Variants in CADPS2 observed in about 807,000 individuals in gnomAD.
The protein encoded by CADPS2 is calcium dependent secretion activator 2, also known as calcium-dependent secretion activator 2.
A neutral mutation model predicts 172.5 loss-of-function variants in CADPS2; 93 were observed. That is an observed-to-expected ratio of 0.54 (90% confidence interval 0.46 to 0.64). The LOEUF is 0.64. Ranked by LOEUF, CADPS2 falls within the 30% of genes least tolerant of loss-of-function variation. The pLI, the probability that CADPS2 is intolerant of heterozygous loss-of-function variation, is 0.00. For missense variants in CADPS2, 1,420 were observed against 1,565.9 expected, an observed-to-expected ratio of 0.91 and a Z score of 1.57; for synonymous variants, 546 against 555.2, an observed-to-expected ratio of 0.98 and a Z score of 0.23.
At chr7:122,407,358 T>A (rs1168003083) in intron 20 of CADPS2, among the ~76,000 whole-genome samples, 182 bp downstream of exon 20, 1 of 152,186 alleles carries the variant, frequency 6.6e-6, no homozygotes, top group East Asian at 1.9e-4. Context: ...CACTGGAGTG[T>A]GGGAGTCTCC....
intron 19 of CADPS2, chr7:122,413,008 G>A (rs1374912185): frequency 6.6e-6 from 1 of 152,244 alleles, no homozygotes; most frequent in African/African-American, 2.4e-5. Flanking sequence ...ACAGCAATGT[G>A]GTTTATTGGA....
At chr7:122,731,012 G>A (rs913534609) in intron 2 of CADPS2, among the ~76,000 whole-genome samples, 3 of 148,658 alleles carry the variant, frequency 2.0e-5, no homozygotes, top group Non-Finnish European at 4.5e-5. Flanking sequence ...ATTCATTGAA[G>A]GAATGAAGGA....
chr7:122,703,625 T>C (rs2086516641), intron 2 of CADPS2, among the ~76,000 whole-genome samples: 1 of 152,136 alleles, frequency 6.6e-6, no homozygotes. Context: ...CTAAGGATTT[T>C]GGATGATGTC....
chr7:122,639,752 C>A (rs1169172602), intron 3 of CADPS2, among the ~76,000 whole-genome samples: 2 of 152,166 alleles, frequency 1.3e-5, no homozygotes, highest in African/African-American at 4.8e-5. Context: ...ATATGATTTT[C>A]TTTTAATTGT....
At chr7:122,588,706 G>A (rs931341042) in intron 6 of CADPS2, among the ~76,000 whole-genome samples, 9 of 151,820 alleles carry the variant, frequency 5.9e-5, no homozygotes, top group Admixed American at 5.3e-4. Flanking sequence ...ACTTTAACTA[G>A]GTCTAAGGTC....
At chr7:122,793,022 A>G (rs1795615641) in intron 1 of CADPS2, among the ~76,000 whole-genome samples, 1 of 152,204 alleles carries the variant, frequency 6.6e-6, no homozygotes, top group African/African-American at 2.4e-5. Flanking sequence ...CCTTTCAGCC[A>G]TATCATTACA....
rs143418147 is a variant in CADPS2 at position 122,665,166 on chromosome 7, C to T, written c.454-1597G>A. On this transcript the variant is annotated intron_variant, in intron 2 of 29. Transcript: ENST00000449022. ...TCCCAAGTTATGATCATACTACTTG[C>T]ACCACACTTCCACGCCTGTCTGCAT... is the stretch of plus-strand genomic sequence containing the variant. Among the ~76,000 whole-genome samples, 3 of 152,242 alleles carry T rather than the reference C, an allele frequency of 2.0e-5. No homozygotes were observed. The East Asian group carries it at 5.8e-4, about 29-fold the overall frequency.
At chr7:122,781,046 C>T (rs1424688943) in intron 1 of CADPS2, among the ~76,000 whole-genome samples, 2 of 152,134 alleles carry the variant, frequency 1.3e-5, no homozygotes, top group African/African-American at 4.8e-5. Context: ...TATAAGAATA[C>T]TTTCTTACCA....
chr7:122,756,397 T>C (rs2093162500), intron 1 of CADPS2, among the ~76,000 whole-genome samples: 1 of 152,220 alleles, frequency 6.6e-6, no homozygotes, highest in Non-Finnish European at 1.5e-5. Context: ...AATTTGAAAT[T>C]CATTTACATT....
Position 122,886,240 on chromosome 7 carries a change from G to A in CADPS2, c.98C>T (p.Pro33Leu). 6.7e-7 allele frequency: 1 copy of A among 1,498,614 alleles called. No individual in the cohort carries two copies. The highest frequency in any genetic ancestry group is 1.3e-5 in the South Asian group (1 of 78,618). 92.8% of individuals were successfully genotyped at this position (1,498,614 alleles called of 1,614,324 possible). A position where few individuals can be genotyped will look rare whatever the true frequency, so the allele number is the denominator to read the frequency against. ...LVAAGSSQRA[P>L]PAPTREGRRD... ...CCGCCCTTCCCGAGTCGGGGCTGGA[G>A]GAGCTCGCTGCGAGCTGCCGGCTGC... is the stretch of plus-strand genomic sequence containing the variant. Residue 33 changes from proline (P) to leucine (L), a missense_variant, in exon 1 of 30, where the codon CCT becomes CTT. Transcript: ENST00000449022.
chr7:122,432,652 AAAAAAAAAAG>A, intron 17 of CADPS2, among the ~76,000 whole-genome samples: 1 of 150,954 alleles, frequency 6.6e-6, no homozygotes, highest in African/African-American at 2.4e-5. Flanking sequence ...ATAAAAAAAA[AAAAAAAAAAG>A]AAAAAAAGAA....
At chr7:122,322,261 C>T (rs2032726994) in intron 29 of CADPS2, among the ~76,000 whole-genome samples, 1 of 152,170 alleles carries the variant, frequency 6.6e-6, no homozygotes, top group African/African-American at 2.4e-5. Context: ...GAATGACTTT[C>T]CTTTGACTTA....
chr7:122,810,338 A>G (rs977394114), intron 1 of CADPS2, among the ~76,000 whole-genome samples: 1 of 152,118 alleles, frequency 6.6e-6, no homozygotes, highest in Non-Finnish European at 1.5e-5. Flanking sequence ...TTTAGTGCAC[A>G]CAGAATTTGT....
chr7:122,374,770 G>A (rs538998066), intron 25 of CADPS2, among the ~76,000 whole-genome samples: 3 of 152,270 alleles, frequency 2.0e-5, no homozygotes, highest in Non-Finnish European at 4.4e-5. Context: ...GATACCTAAT[G>A]TAGGTGACGA....
intron 17 of CADPS2, among the ~76,000 whole-genome samples, chr7:122,419,014 G>C (rs2048256654): frequency 6.6e-6 from 1 of 152,064 alleles, no homozygotes; most frequent in Admixed American, 6.6e-5. Context: ...AGAGTTCTGG[G>C]TCTGAATGAG....
At chr7:122,885,922 G>C in intron 1 of CADPS2, 77 bp downstream of exon 1, 1 of 1,495,478 alleles carries the variant, frequency 6.7e-7, no homozygotes, top group South Asian at 1.2e-5. Flanking sequence ...CAGAAGGACG[G>C]GAGGCGTCCC....
Position 122,861,116 on chromosome 7 carries a change from C to T in CADPS2, c.339+24883G>A, listed in dbSNP as rs1816845539. 2.0e-5 allele frequency among the ~76,000 whole-genome samples: 3 copies of T among 152,038 alleles called. No individual in the cohort carries two copies. The South Asian group carries it at 6.2e-4, about 32-fold the overall frequency. On this transcript the variant is annotated intron_variant, in intron 1 of 29. Coordinates refer to ENST00000449022, the MANE Select transcript of CADPS2 (RefSeq NM_017954.11). ...GAATTTCATTTCCTTTGAATAGATA[C>T]CCAGTAGTTGATTATTGGATCACAT...
intron 2 of CADPS2, chr7:122,698,961 C>T (rs766394959): frequency 3.7e-6 from 5 of 1,337,834 alleles, no homozygotes; most frequent in South Asian, 2.9e-5. Context: ...CTAACAGTTG[C>T]ACATCTGTTG....
chr7:122,436,397 G>C (rs1336777544), intron 17 of CADPS2: 1 of 1,264,704 alleles, frequency 7.9e-7, no homozygotes, highest in South Asian at 1.3e-5. Flanking sequence ...CATAAGAAAA[G>C]AGAATTTAGG....
Sources: gnomAD v4.1 joint callset for allele counts (sites outside exome capture counted in the v4.1 genomes callset) on GRCh38, gnomAD v4.1.1 for gene constraint, MANE v1.5 for transcripts, NCBI Gene and HGNC (gene_info 2026-07-23, HGNC 2026-07-21) for gene names.